KCNJ6: variants seen among roughly 807,000 people sequenced by gnomAD.
The protein encoded by KCNJ6 is G protein-activated inward rectifier potassium channel 2.
A neutral mutation model predicts 34.2 loss-of-function variants in KCNJ6; 9 were observed. The observed-to-expected ratio is 0.26, with a 90% CI of 0.16 to 0.46. The LOEUF (loss-of-function observed/expected upper bound fraction) is 0.46. Ranked by LOEUF, KCNJ6 falls within the 20% of genes least tolerant of loss-of-function variation. KCNJ6 has a pLI of 1.00. For missense variants in KCNJ6, 236 were observed against 531.3 expected (o/e 0.44, Z 5.46); for synonymous variants, 196 against 207.1 (o/e 0.95, Z 0.46).
intron 3 of KCNJ6, among the ~76,000 whole-genome samples, chr21:37,648,561 T>A (rs1198758120): frequency 1.3e-5 from 2 of 152,200 alleles, no homozygotes; most frequent in African/African-American, 4.8e-5. Context: ...GATACTTTAA[T>A]TTCACTTGTA....
intron 2 of KCNJ6, among the ~76,000 whole-genome samples, chr21:37,785,784 G>A (rs139822354): frequency 4.9e-4 from 74 of 152,334 alleles, no homozygotes; most frequent in African/African-American, 1.7e-3. Context: ...CATCCACAAG[G>A]TGATGGTACT....
intron 1 of KCNJ6, among the ~76,000 whole-genome samples, chr21:37,854,301 A>C (rs1161352005): frequency 6.6e-6 from 1 of 152,206 alleles, no homozygotes; most frequent in Admixed American, 6.5e-5. Flanking sequence ...CACAAAGTAG[A>C]CTGCAGAGCA....
intron 1 of KCNJ6, among the ~76,000 whole-genome samples, chr21:37,843,646 G>A (rs1044630206): frequency 6.6e-6 from 1 of 152,224 alleles, no homozygotes; most frequent in African/African-American, 2.4e-5. Flanking sequence ...ACTGGGAAGA[G>A]CTTTAGAATT....
intron 1 of KCNJ6, among the ~76,000 whole-genome samples, chr21:37,871,793 C>T (rs1176006355): frequency 6.6e-6 from 1 of 152,086 alleles, no homozygotes; most frequent in Admixed American, 6.6e-5. Context: ...TGGTTTATTT[C>T]CCATTCACAA....
intron 1 of KCNJ6, among the ~76,000 whole-genome samples, chr21:37,874,539 T>C (rs139703225): frequency 4.4e-4 from 67 of 152,352 alleles, no homozygotes; most frequent in Middle Eastern, 6.8e-3. Context: ...TCATTTAATT[T>C]ATCCCAAATT....
At chr21:37,845,053 T>G (rs1399015952) in intron 1 of KCNJ6, among the ~76,000 whole-genome samples, 1 of 152,198 alleles carries the variant, frequency 6.6e-6, no homozygotes, top group Non-Finnish European at 1.5e-5. Flanking sequence ...GGTCCGCTGC[T>G]TGCTGTTTTC....
At position 37,618,717 on chromosome 21, in the gene KCNJ6, T is replaced by C. The variant is rs1244012732; in HGVS notation, c.*6442A>G. 6.6e-6 allele frequency: 1 copy of C among 152,194 alleles called. No individual in the cohort carries two copies. The highest frequency in any genetic ancestry group is 2.4e-5 in the African/African-American group (1 of 41,440). The allele number at this position is 152,194 out of a possible 1,614,324, so 9.4% of individuals were successfully genotyped here. On this transcript the variant is annotated 3_prime_UTR_variant, in exon 4 of 4. Transcript: ENST00000609713. Reference sequence around the variant, plus strand: ...ATCTAGGGGGTATAGTGTCTAAAAATAACTCTATAAATACTGTTTTCATCA... The same window carrying C: ...ATCTAGGGGGTATAGTGTCTAAAAACAACTCTATAAATACTGTTTTCATCA...
intron 1 of KCNJ6, among the ~76,000 whole-genome samples, chr21:37,875,813 G>A (rs1240533345): frequency 6.6e-6 from 1 of 152,126 alleles, no homozygotes; most frequent in African/African-American, 2.4e-5. Flanking sequence ...TTCCATACAA[G>A]GAACACCTCC....
At chr21:37,758,433 T>C (rs1373956974) in intron 2 of KCNJ6, among the ~76,000 whole-genome samples, 1 of 152,228 alleles carries the variant, frequency 6.6e-6, no homozygotes, top group Non-Finnish European at 1.5e-5. Flanking sequence ...GGTAAGCTGG[T>C]AAACCAAGTG....
intron 3 of KCNJ6, among the ~76,000 whole-genome samples, chr21:37,684,840 G>T (rs1278859463): frequency 6.6e-6 from 1 of 152,206 alleles, no homozygotes; most frequent in Non-Finnish European, 1.5e-5. Flanking sequence ...GAGAAAACAA[G>T]GGAGAATGAC....
chr21:37,642,627 G>C (rs2054386160), intron 3 of KCNJ6, among the ~76,000 whole-genome samples: 1 of 144,402 alleles, frequency 6.9e-6, no homozygotes, highest in African/African-American at 2.6e-5. Flanking sequence ...GCAAAAGTTA[G>C]CAAGGGATAT....
At chr21:37,685,248 A>T (rs1041482811) in intron 3 of KCNJ6, among the ~76,000 whole-genome samples, 5 of 152,104 alleles carry the variant, frequency 3.3e-5, no homozygotes, top group African/African-American at 4.8e-5. Context: ...CCCAGTGTGG[A>T]TGAAAATAGG....
At chr21:37,792,740 C>T (rs187340272) in intron 2 of KCNJ6, among the ~76,000 whole-genome samples, 130 of 152,250 alleles carry the variant, frequency 8.5e-4, no homozygotes, top group African/African-American at 2.7e-3. Context: ...ATCTCTGTGA[C>T]GAGATCTGCC....
At chr21:37,673,277 G>A (rs1569442776) in intron 3 of KCNJ6, among the ~76,000 whole-genome samples, 1 of 152,252 alleles carries the variant, frequency 6.6e-6, no homozygotes, top group Admixed American at 6.5e-5. Flanking sequence ...TAGGGAAGTG[G>A]GTGGTTGTCC....
At chr21:37,874,697 A>G (rs1241735680) in intron 1 of KCNJ6, among the ~76,000 whole-genome samples, 1 of 152,034 alleles carries the variant, frequency 6.6e-6, no homozygotes, top group African/African-American at 2.4e-5. Context: ...GAACACTGGG[A>G]GGAATGATGG....
rs992324823 is a variant in KCNJ6, at chr21:37,615,662, T to C, written c.*9497A>G. On this transcript the variant is annotated 3_prime_UTR_variant, in exon 4 of 4. Coordinates refer to ENST00000609713, the MANE Select transcript of KCNJ6 (RefSeq NM_002240.5). ...TTTGCTCTGGGGGCAAAAATGAGTA[T>C]TTCTGATTTGAAATCAGGTTTTCTG... 1 of 152,188 alleles carries C rather than the reference T, an allele frequency of 6.6e-6. No homozygotes were observed. The highest frequency in any genetic ancestry group is 2.4e-5 in the African/African-American group (1 of 41,434). 9.4% of individuals were successfully genotyped at this position (152,188 alleles called of 1,614,324 possible).
At chr21:37,709,540 A>AAAGAAAAG (rs2054740141) in intron 3 of KCNJ6, among the ~76,000 whole-genome samples, 2 of 151,832 alleles carry the variant, frequency 1.3e-5, no homozygotes, top group Non-Finnish European at 2.9e-5. Context: ...AAAGAAAAGA[A>AAAGAAAAG]ATATCAGGTG....
At chr21:37,745,569 G>A (rs924716280) in intron 2 of KCNJ6, among the ~76,000 whole-genome samples, 1 of 152,234 alleles carries the variant, frequency 6.6e-6, no homozygotes, top group Non-Finnish European at 1.5e-5. Context: ...CTTTAGCCCA[G>A]TGAGACTCCT....
chr21:37,763,370 A>T lies in KCNJ6; in HGVS notation c.26-48239T>A, dbSNP rs927914372. Among the ~76,000 whole-genome samples, 7 of 152,218 alleles carry T rather than the reference A, an allele frequency of 4.6e-5. No homozygotes were observed. The East Asian group carries it at 1.4e-3, about 29-fold the overall frequency. Reference sequence around the variant, plus strand: ...TTCCCTGAACAGCTGGGACAACACCATCACCTCGTCTTCCTTTCTCCTCTC... The same window carrying T: ...TTCCCTGAACAGCTGGGACAACACCTTCACCTCGTCTTCCTTTCTCCTCTC... On this transcript the variant is annotated intron_variant, in intron 2 of 3. Transcript: ENST00000609713.
Sources: allele counts gnomAD v4.1 joint callset (sites outside exome capture counted in the v4.1 genomes callset), GRCh38; gene constraint gnomAD v4.1.1; transcripts MANE v1.5; gene names NCBI Gene and HGNC (gene_info 2026-07-23, HGNC 2026-07-21).